The following CSRNP3 variants were observed in gnomAD, a reference collection of about 807,000 sequenced individuals.
CSRNP3 encodes cysteine and serine rich nuclear protein 3.
In CSRNP3, 12 loss-of-function variants were observed where a neutral mutation model predicts 48.0. The ratio of observed to expected loss-of-function variants is 0.25; its 90% CI spans 0.16 to 0.41. The LOEUF (loss-of-function observed/expected upper bound fraction) is 0.41, where lower values mean the gene tolerates loss of function less well. CSRNP3 is among the 10% of genes least tolerant of loss of function. The probability of loss-of-function intolerance (pLI) is 1.00; values close to 1 mark genes in which losing one functional copy is unlikely to be tolerated. For synonymous variants in CSRNP3, 263 were observed against 269.7 expected, an observed-to-expected ratio of 0.98 and a Z score of 0.24; for missense variants, 580 against 724.4, an observed-to-expected ratio of 0.80 and a Z score of 2.29.
chr2:165,652,725 G>T (rs1686935145), intron 4 of CSRNP3, among the ~76,000 whole-genome samples: 2 of 151,776 alleles, frequency 1.3e-5, no homozygotes, highest in Non-Finnish European at 1.5e-5. Flanking sequence ...TGTATTTTTG[G>T]CAGAGATGGG....
intron 3 of CSRNP3, among the ~76,000 whole-genome samples, chr2:165,524,005 C>T (rs6722792): frequency 0.029 from 4,486 of 152,154 alleles, 209 homozygotes; most frequent in African/African-American, 0.1. Context: ...ACAAGTTATG[C>T]GAAATGTCTA....
intron 4 of CSRNP3, among the ~76,000 whole-genome samples, chr2:165,621,855 A>G (rs1686345336): frequency 6.6e-6 from 1 of 152,068 alleles, no homozygotes; most frequent in Admixed American, 6.6e-5. Context: ...TTGATTTTCC[A>G]CTTGATATTT....
chr2:165,506,135 T>A (rs886601674), intron 2 of CSRNP3, among the ~76,000 whole-genome samples: 41 of 152,124 alleles, frequency 2.7e-4, no homozygotes, highest in Non-Finnish European at 4.6e-4. Context: ...GGATTACGGG[T>A]TCCCCAGATG....
chr2:165,529,142 G>C (rs1247647705), intron 3 of CSRNP3, among the ~76,000 whole-genome samples: 1 of 152,218 alleles, frequency 6.6e-6, no homozygotes, highest in Non-Finnish European at 1.5e-5. Context: ...AAATCAGAAT[G>C]AGATATTGCC....
chr2:165,533,476 A>C (rs1050026031), intron 3 of CSRNP3, among the ~76,000 whole-genome samples: 1 of 152,060 alleles, frequency 6.6e-6, no homozygotes, highest in Non-Finnish European at 1.5e-5. Context: ...GTTAAAGGAC[A>C]TAACAAAGTG....
rs1287335310 is a variant in CSRNP3 at position 165,681,774 on chromosome 2, CACAT to C, written c.*2025_*2028del. On this transcript the variant is annotated 3_prime_UTR_variant, in exon 7 of 7. Transcript: ENST00000651982. The stretch of plus-strand genomic sequence containing the variant: ...ATATATATATATACACACACACACA[CACAT>C]ACACATATATATACACATATATGTA... 2.2e-5 allele frequency: 3 copies of C among 134,118 alleles called. No individual in the cohort carries two copies. The highest frequency in any genetic ancestry group is 2.4e-4 in the South Asian group (1 of 4,216). The allele number at this position is 134,118 out of a possible 1,614,324, so 8.3% of individuals were successfully genotyped here.
At chr2:165,516,705 C>G in intron 2 of CSRNP3, among the ~76,000 whole-genome samples, 1 of 152,124 alleles carries the variant, frequency 6.6e-6, no homozygotes, top group East Asian at 1.9e-4. Flanking sequence ...ACCAAACTGA[C>G]TCAATAACCT....
At chr2:165,590,953 T>C (rs1435447660) in intron 3 of CSRNP3, among the ~76,000 whole-genome samples, 1 of 150,338 alleles carries the variant, frequency 6.7e-6, no homozygotes, top group Non-Finnish European at 1.5e-5. Context: ...GAAGTGACTT[T>C]GGGGCTGGGT....
intron 4 of CSRNP3, among the ~76,000 whole-genome samples, chr2:165,638,756 A>G (rs1180116216): frequency 1.3e-5 from 2 of 152,180 alleles, no homozygotes. Context: ...TATATTTTTA[A>G]TATTTGAATG....
intron 4 of CSRNP3, among the ~76,000 whole-genome samples, chr2:165,623,560 A>G (rs1686378938): frequency 1.3e-5 from 2 of 152,314 alleles, no homozygotes; most frequent in South Asian, 2.1e-4. Flanking sequence ...CAATGCAAAT[A>G]CTACACCATT....
chr2:165,649,119 G>T (rs1420173731), intron 4 of CSRNP3, among the ~76,000 whole-genome samples: 1 of 151,906 alleles, frequency 6.6e-6, no homozygotes, highest in Non-Finnish European at 1.5e-5. Context: ...CAGCTTCAAG[G>T]GTCATCTTTT....
chr2:165,634,697 G>A (rs1869473), intron 4 of CSRNP3, among the ~76,000 whole-genome samples: 23,537 of 152,186 alleles, frequency 0.15, 2,031 homozygotes, highest in East Asian at 0.34. Flanking sequence ...CCCTGTGCTA[G>A]GTGCTAATAA....
chr2:165,602,778 C>A (rs1191263767), intron 4 of CSRNP3, among the ~76,000 whole-genome samples: 5 of 152,334 alleles, frequency 3.3e-5, no homozygotes, highest in African/African-American at 1.2e-4. Flanking sequence ...AGTTCTATAC[C>A]TGCTACAAGG....
At chr2:165,595,235 G>A (rs754800837) in intron 4 of CSRNP3, 22 bp downstream of exon 4, 34 of 1,585,206 alleles carry the variant, frequency 2.1e-5, no homozygotes, top group East Asian at 1.1e-4. Context: ...AATCAGAACC[G>A]AAGTCAATTG....
At chr2:165,563,077 G>T (rs1241469410) in intron 3 of CSRNP3, among the ~76,000 whole-genome samples, 1 of 152,148 alleles carries the variant, frequency 6.6e-6, no homozygotes, top group Non-Finnish European at 1.5e-5. Flanking sequence ...TGTAGCCAAA[G>T]ATTTATTGGG....
chr2:165,559,806 T>A (rs1685207792), intron 3 of CSRNP3, among the ~76,000 whole-genome samples: 1 of 139,904 alleles, frequency 7.1e-6, no homozygotes, highest in Non-Finnish European at 1.6e-5. Flanking sequence ...CTTTTTTTTT[T>A]TTTTTTTTTT....
At chr2:165,480,847 G>A (rs1237987008) in intron 1 of CSRNP3, among the ~76,000 whole-genome samples, 1 of 144,998 alleles carries the variant, frequency 6.9e-6, no homozygotes, top group African/African-American at 2.5e-5. Flanking sequence ...TTTTATATAT[G>A]TATATAAAAA....
chr2:165,614,012 A>C (rs550756823), intron 4 of CSRNP3, among the ~76,000 whole-genome samples: 2 of 152,082 alleles, frequency 1.3e-5, no homozygotes, highest in African/African-American at 4.8e-5. Context: ...TAACAATATG[A>C]ATTCTTCCAA....
intron 1 of CSRNP3, among the ~76,000 whole-genome samples, chr2:165,475,448 G>A (rs1683948170): frequency 2.0e-5 from 3 of 152,128 alleles, no homozygotes; most frequent in Admixed American, 6.5e-5. Context: ...GAAGCCGTGG[G>A]CCTGTCCTGT....
Sources: gnomAD v4.1 joint callset for allele counts (sites outside exome capture counted in the v4.1 genomes callset) on GRCh38, gnomAD v4.1.1 for gene constraint, MANE v1.5 for transcripts, NCBI Gene and HGNC (gene_info 2026-07-23, HGNC 2026-07-21) for gene names.